The following PCDH11X variants were observed in gnomAD, a reference collection of about 807,000 sequenced individuals.
PCDH11X encodes the protein protocadherin-11 X-linked.
Under a neutral mutation model 53.3 loss-of-function variants are expected in PCDH11X, and 18 were observed. That is an observed-to-expected ratio of 0.34 (90% confidence interval 0.23 to 0.50). PCDH11X has a LOEUF of 0.50. Among genes scored for constraint, PCDH11X ranks in the 20% least tolerant of loss-of-function variants. PCDH11X has a pLI of 0.98. For synonymous variants in PCDH11X, 279 were observed against 393.3 expected (o/e 0.71, Z 3.44); for missense variants, 570 against 1,032.4 (o/e 0.55, Z 6.14).
At chrX:91,974,923 T>TTAGTATTTTTA (rs1319266396) in intron 6 of PCDH11X, among the ~76,000 whole-genome samples, 2 of 110,245 alleles carry the variant, frequency 1.8e-5, no homozygotes, top group African/African-American at 6.6e-5. Context: ...CGGCTAATTT[T>TTAGTATTTTTA]GTATTTTTAG....
intron 6 of PCDH11X, among the ~76,000 whole-genome samples, chrX:92,035,143 C>T (rs878877577): frequency 9.0e-6 from 1 of 111,408 alleles, no homozygotes; most frequent in African/African-American, 3.3e-5. Context: ...AATTGTTTAG[C>T]CTTTCTACTT....
chrX:92,571,012 A>G (rs1243110791), intron 10 of PCDH11X, among the ~76,000 whole-genome samples: 1 of 112,271 alleles, frequency 8.9e-6, no homozygotes, highest in Non-Finnish European at 1.9e-5. Context: ...AAAGATAAAG[A>G]ATATCTTTGA....
chrX:92,586,483 C>A (rs184935587), intron 10 of PCDH11X, among the ~76,000 whole-genome samples: 23,132 of 103,157 alleles, frequency 0.22, 2,191 homozygotes, highest in African/African-American at 0.27. Context: ...GTAGAATAAA[C>A]ATACTTTATT....
intron 10 of PCDH11X, among the ~76,000 whole-genome samples, chrX:92,602,195 T>C (rs1926306238): frequency 9.0e-6 from 1 of 111,390 alleles, no homozygotes; most frequent in Non-Finnish European, 1.9e-5. Flanking sequence ...AAGGGACTCA[T>C]TTGGAGCAAA....
chrX:92,177,102 A>G (rs1381316833), intron 6 of PCDH11X, among the ~76,000 whole-genome samples: 1 of 108,362 alleles, frequency 9.2e-6, no homozygotes, highest in African/African-American at 3.4e-5. Flanking sequence ...CAACCTCCCA[A>G]GTAGGTGGAA....
chrX:92,558,562 A>G (rs1334894800), intron 10 of PCDH11X, among the ~76,000 whole-genome samples: 4 of 111,580 alleles, frequency 3.6e-5, no homozygotes, highest in African/African-American at 1.3e-4. Flanking sequence ...CACTCAGCTT[A>G]TGAGTGATTT....
At chrX:92,406,027 G>A (rs761409358) in intron 9 of PCDH11X, among the ~76,000 whole-genome samples, 19 of 99,724 alleles carry the variant, frequency 1.9e-4, no homozygotes, top group African/African-American at 6.7e-4. Flanking sequence ...CCCAGGAGGC[G>A]GAGCTTGCAG....
chrX:92,429,780 G>C (rs1386726208), intron 9 of PCDH11X, among the ~76,000 whole-genome samples: 1 of 97,138 alleles, frequency 1.0e-5, no homozygotes, highest in Non-Finnish European at 2.1e-5. Context: ...TCACTGACAG[G>C]TAATAGTAAT....
chrX:92,349,535 A>G (rs2069990096), intron 8 of PCDH11X, among the ~76,000 whole-genome samples: 1 of 102,205 alleles, frequency 9.8e-6, no homozygotes, highest in Non-Finnish European at 2.0e-5. Context: ...TCTCTCAAAG[A>G]AAGTTAAAAT....
chrX:92,221,278 A>ACACACACACAC (rs2066870176), intron 7 of PCDH11X, among the ~76,000 whole-genome samples: 1 of 88,037 alleles, frequency 1.1e-5, no homozygotes, highest in Non-Finnish European at 2.1e-5. Flanking sequence ...CATTGTATAC[A>ACACACACACAC]ACACACACAC....
At chrX:92,559,117 T>G (rs2075092485) in intron 10 of PCDH11X, among the ~76,000 whole-genome samples, 2 of 111,165 alleles carry the variant, frequency 1.8e-5, no homozygotes, top group Non-Finnish European at 3.8e-5. Context: ...GGAAGACATT[T>G]GGGTATTTTG....
intron 6 of PCDH11X, among the ~76,000 whole-genome samples, chrX:92,099,764 T>C (rs1300155802): frequency 1.8e-5 from 2 of 111,606 alleles, no homozygotes; most frequent in Non-Finnish European, 3.8e-5. Flanking sequence ...TGTATCCTGC[T>C]GTCATTCAGT....
intron 9 of PCDH11X, among the ~76,000 whole-genome samples, chrX:92,390,418 G>GA (rs1322399923): frequency 9.4e-6 from 1 of 106,271 alleles, no homozygotes; most frequent in Admixed American, 1.0e-4. Flanking sequence ...TAATTAAAAA[G>GA]AAAAAACATA....
At chrX:92,025,976 T>C (rs1243559023) in intron 6 of PCDH11X, among the ~76,000 whole-genome samples, 1 of 110,839 alleles carries the variant, frequency 9.0e-6, no homozygotes, top group Non-Finnish European at 1.9e-5. Flanking sequence ...TGTTCTCACC[T>C]GTAAGTGAGA....
intron 6 of PCDH11X, among the ~76,000 whole-genome samples, chrX:92,093,886 A>C (rs2064089136): frequency 9.0e-6 from 1 of 111,219 alleles, no homozygotes; most frequent in Non-Finnish European, 1.9e-5. Context: ...GAACTCTCCA[A>C]TCATTTTAAA....
At chrX:92,479,002 T>C (rs1429490312) in intron 10 of PCDH11X, among the ~76,000 whole-genome samples, 2 of 109,840 alleles carry the variant, frequency 1.8e-5, no homozygotes, top group Non-Finnish European at 1.9e-5. Flanking sequence ...CTAAGTCACT[T>C]TGATGATCTC....
intron 5 of PCDH11X, among the ~76,000 whole-genome samples, chrX:91,872,459 A>G (rs1022423332): frequency 3.6e-5 from 4 of 110,917 alleles, no homozygotes; most frequent in Non-Finnish European, 5.7e-5. Context: ...TCATGCATTT[A>G]TTTATCTAAC....
rs780870538 is a variant in PCDH11X, at chrX:92,475,767, T to G, written c.3367+7445T>G. On this transcript the variant is annotated intron_variant, in intron 10 of 10. Coordinates refer to ENST00000682573, the MANE Select transcript of PCDH11X (RefSeq NM_032968.5). ...TCTTTTATTATTTCTTTGAGAAAACTTCCTACTCATATCTCTTTCTCTACC... is the reference window on the plus strand; with the variant it reads ...TCTTTTATTATTTCTTTGAGAAAACGTCCTACTCATATCTCTTTCTCTACC... Among the ~76,000 whole-genome samples, 270 of 111,941 alleles carry G rather than the reference T, an allele frequency of 2.4e-3. 1 individual carries two copies. Among genetic ancestry groups the G allele is most frequent in the African/African-American group, 8.4e-3 (258 of 30,817 alleles).
chrX:92,102,258 A>C (rs1415436053), intron 6 of PCDH11X, among the ~76,000 whole-genome samples: 4 of 111,255 alleles, frequency 3.6e-5, no homozygotes, highest in African/African-American at 9.8e-5. Flanking sequence ...GTTATGAGAA[A>C]TGTAGAGAGT....
Sources: gnomAD v4.1 joint callset for allele counts (sites outside exome capture counted in the v4.1 genomes callset) on GRCh38, gnomAD v4.1.1 for gene constraint, MANE v1.5 for transcripts, NCBI Gene and HGNC (gene_info 2026-07-23, HGNC 2026-07-21) for gene names.